Variants in RNF180 observed in about 807,000 individuals in gnomAD.
The protein encoded by RNF180 is ring finger protein 180.
Under a neutral mutation model 59.2 loss-of-function variants are expected in RNF180, and 38 were observed. The ratio of observed to expected loss-of-function variants is 0.64; its 90% CI spans 0.50 to 0.84. The LOEUF is 0.84. RNF180 is among the 40% of genes least tolerant of loss of function. RNF180 has a pLI of 0.00. For synonymous variants in RNF180, 262 were observed against 240.3 expected (o/e 1.09, Z -0.84); for missense variants, 705 against 700.9 (o/e 1.01, Z -0.07).
chr5:64,193,325 T>C (rs1751279628), intron 1 of RNF180, among the ~76,000 whole-genome samples: 1 of 152,068 alleles, frequency 6.6e-6, no homozygotes, highest in African/African-American at 2.4e-5. Flanking sequence ...AACAAGGAAA[T>C]TTTTGGAAGT....
chr5:64,369,304 C>T (rs1472693027), intron 7 of RNF180, among the ~76,000 whole-genome samples: 2 of 151,778 alleles, frequency 1.3e-5, no homozygotes, highest in African/African-American at 4.8e-5. Context: ...ACTCTGGGGA[C>T]TGTTGTGGGG....
intron 5 of RNF180, among the ~76,000 whole-genome samples, chr5:64,252,397 T>G (rs962159610): frequency 2.0e-5 from 3 of 152,204 alleles, no homozygotes; most frequent in African/African-American, 7.2e-5. Flanking sequence ...GTTAATAAAT[T>G]GTATTTTTGA....
chr5:64,278,500 G>C (rs1741841798), intron 5 of RNF180, among the ~76,000 whole-genome samples: 1 of 152,164 alleles, frequency 6.6e-6, no homozygotes, highest in African/African-American at 2.4e-5. Flanking sequence ...GAACTGAACT[G>C]AGGTGGTAAC....
At position 64,345,477 on chromosome 5, in the gene RNF180, TATAAG is replaced by T. The variant is rs367817454; in HGVS notation, c.1579+15073_1579+15077del. 3.6e-3 allele frequency among the ~76,000 whole-genome samples: 543 copies of T among 152,248 alleles called. 7 individuals are homozygous for T. Among genetic ancestry groups the T allele is most frequent in the African/African-American group, 0.012 (491 of 41,554 alleles). ...AATACCATAATAACCCCAACACTGA[TATAAG>T]AGAAAAATAATGGAGAGATACCCAG... is the stretch of plus-strand genomic sequence containing the variant. On this transcript the variant is annotated intron_variant, in intron 7 of 7. Transcript: ENST00000389100.
chr5:64,292,749 A>G (rs1742667636), intron 5 of RNF180, among the ~76,000 whole-genome samples: 1 of 152,184 alleles, frequency 6.6e-6, no homozygotes, highest in Non-Finnish European at 1.5e-5. Flanking sequence ...TGAACCACAG[A>G]GATATCAGCA....
chr5:64,325,346 AC>A lies in RNF180; in HGVS notation c.1389del (p.Asp463GlufsTer24). On this transcript the variant is annotated frameshift_variant, in exon 6 of 8. Coordinates refer to ENST00000389100, the MANE Select transcript of RNF180 (RefSeq NM_001113561.2). LOFTEE classifies it high-confidence loss of function. ...CCCTGCTTACGGACTCTGGCCAAAGACAATCCTTCAAGCACTCCATGCCCAT... is the reference window on the plus strand; with the variant it reads ...CCCTGCTTACGGACTCTGGCCAAAGAAATCCTTCAAGCACTCCATGCCCAT... The part of the protein sequence containing the change: ...CEPCLRTLAK[D>X]NPSSTPCPLC... The A allele has an allele frequency of 6.4e-7, 1 of 1,551,702 alleles. No homozygotes were observed.
intron 4 of RNF180, among the ~76,000 whole-genome samples, 176 bp from the exon 5 acceptor site, chr5:64,217,185 T>C (rs1752675542): frequency 6.6e-6 from 1 of 152,240 alleles, no homozygotes; most frequent in African/African-American, 2.4e-5. Context: ...TGCATATATT[T>C]ATAGTTTGTT....
chr5:64,256,762 G>C (rs895219012), intron 5 of RNF180, among the ~76,000 whole-genome samples: 30 of 152,146 alleles, frequency 2.0e-4, no homozygotes, highest in African/African-American at 6.5e-4. Flanking sequence ...GCTTGATGGG[G>C]ATGACATTGA....
At chr5:64,318,968 A>C (rs1379908308) in intron 5 of RNF180, among the ~76,000 whole-genome samples, 1 of 152,188 alleles carries the variant, frequency 6.6e-6, no homozygotes, top group African/African-American at 2.4e-5. Context: ...TGTGCAAAAA[A>C]AGAGTAAGCC....
chr5:64,310,531 G>GA (rs1391030733), intron 5 of RNF180, among the ~76,000 whole-genome samples: 1 of 148,060 alleles, frequency 6.8e-6, no homozygotes, highest in East Asian at 2.0e-4. Flanking sequence ...AAAAAAAAAA[G>GA]AAACCCTGTT....
In RNF180 at chr5:64,200,830, T is replaced by C; in HGVS notation, c.23T>C (p.Ile8Thr). MKRSKEL[I>T]TKNHSQEETS... ...CAGATGAAAAGAAGCAAAGAATTGA[T>C]AACTAAAAATCATAGTCAAGAGGAA... The change falls in exon 2 of 8, where the codon ATA becomes ACA. Residue 8 changes from isoleucine (I) to threonine (T), a missense_variant. Physicochemically the swap from Ile to Thr is moderately conservative, Grantham distance 89 (BLOSUM62 -1). Coordinates refer to ENST00000389100, the MANE Select transcript of RNF180 (RefSeq NM_001113561.2). The C allele has an allele frequency of 1.9e-6, 3 of 1,612,286 alleles. No homozygotes were observed. The highest frequency in any genetic ancestry group is 2.2e-5 in the East Asian group (1 of 44,826).
At chr5:64,182,469 C>T (rs190632935) in intron 1 of RNF180, among the ~76,000 whole-genome samples, 137 of 152,224 alleles carry the variant, frequency 9.0e-4, no homozygotes, top group Middle Eastern at 3.4e-3. Flanking sequence ...TCAAAGAAAA[C>T]AAGCTAAATT....
At chr5:64,194,834 C>G (rs1751375621) in intron 1 of RNF180, among the ~76,000 whole-genome samples, 1 of 152,148 alleles carries the variant, frequency 6.6e-6, no homozygotes, top group South Asian at 2.1e-4. Context: ...CCTTCGCCCA[C>G]TTTTTGATGG....
Position 64,325,213 on chromosome 5 carries a change from G to T in RNF180, c.1255G>T (p.Glu419Ter), listed in dbSNP as rs1205103323. The T allele has an allele frequency of 6.4e-7, 1 of 1,551,050 alleles. No homozygotes were observed. Reference protein sequence around the residue: ...MTLNNEMSTDEDNEYAEEKDS... With the variant: ...MTLNNEMSTD Reference sequence around the variant, plus strand: ...TTTGAATAATGAGATGAGTACAGATGAAGACAATGAATATGCAGAAGAAAA... The same window carrying T: ...TTTGAATAATGAGATGAGTACAGATTAAGACAATGAATATGCAGAAGAAAA... Residue 419 changes from glutamate to a stop codon, truncating the protein, a stop_gained, in exon 6 of 8, where the codon GAA becomes TAA. Coordinates refer to ENST00000389100, the MANE Select transcript of RNF180 (RefSeq NM_001113561.2). LOFTEE classifies it high-confidence loss of function.
chr5:64,172,382 C>T (rs540752045), intron 1 of RNF180, among the ~76,000 whole-genome samples: 4 of 152,018 alleles, frequency 2.6e-5, no homozygotes, highest in Non-Finnish European at 5.9e-5. Context: ...TCTCCCCCCA[C>T]CCCCCACAAG....
At chr5:64,352,695 G>C (rs976263409) in intron 7 of RNF180, among the ~76,000 whole-genome samples, 2 of 151,942 alleles carry the variant, frequency 1.3e-5, no homozygotes, top group East Asian at 1.9e-4. Flanking sequence ...AGAAAGAATA[G>C]ATAAAATGAT....
intron 5 of RNF180, among the ~76,000 whole-genome samples, chr5:64,277,871 G>T (rs928645061): frequency 1.3e-5 from 2 of 152,142 alleles, no homozygotes; most frequent in African/African-American, 4.8e-5. Context: ...CCAAAGCTGG[G>T]CCAACTCTAG....
At chr5:64,366,849 A>G (rs908012553) in intron 7 of RNF180, among the ~76,000 whole-genome samples, 1 of 151,610 alleles carries the variant, frequency 6.6e-6, no homozygotes, top group African/African-American at 2.4e-5. Flanking sequence ...GCAAGGCTAG[A>G]AATTTATTTA....
intron 1 of RNF180, among the ~76,000 whole-genome samples, chr5:64,168,380 A>C (rs951154580): frequency 6.6e-6 from 1 of 152,228 alleles, no homozygotes; most frequent in African/African-American, 2.4e-5. Context: ...AAATAATGAC[A>C]GACATTGTTA....
Sources: allele counts gnomAD v4.1 joint callset (sites outside exome capture counted in the v4.1 genomes callset), GRCh38; gene constraint gnomAD v4.1.1; transcripts MANE v1.5; gene names NCBI Gene and HGNC (gene_info 2026-07-23, HGNC 2026-07-21).